ADGRL2: variants seen among roughly 807,000 people sequenced by gnomAD.
ADGRL2 encodes calcium-independent alpha-latrotoxin receptor 2.
ADGRL2 carries 44 observed loss-of-function variants against 157.4 expected under a neutral mutation model. That is an observed-to-expected ratio of 0.28 (90% CI 0.22 to 0.36). The LOEUF (loss-of-function observed/expected upper bound fraction) is 0.36, where lower values mean the gene tolerates loss of function less well. ADGRL2 is among the 10% of genes least tolerant of loss of function. The pLI is 1.00. For missense variants in ADGRL2, 1,510 were observed against 1,768.9 expected, an observed-to-expected ratio of 0.85 and a Z score of 2.63; for synonymous variants, 585 against 624.7, an observed-to-expected ratio of 0.94 and a Z score of 0.95.
chr1:81,883,880 A>G lies in ADGRL2; in HGVS notation c.74-23137A>G, dbSNP rs139631396. 4.0e-3 allele frequency among the ~76,000 whole-genome samples: 613 copies of G among 152,208 alleles called. 4 individuals are homozygous for G. Among genetic ancestry groups the G allele is most frequent in the African/African-American group, 0.013 (553 of 41,530 alleles). ...TTTTGAGATCAGAATTGTAGCCATTATATTGATGTGCTGCAGATATTAAGA... is the reference window on the plus strand; with the variant it reads ...TTTTGAGATCAGAATTGTAGCCATTGTATTGATGTGCTGCAGATATTAAGA... On this transcript the variant is annotated intron_variant, in intron 2 of 23. Coordinates refer to ENST00000686636, the MANE Select transcript of ADGRL2 (RefSeq NM_001366006.2).
chr1:81,934,813 G>T (rs2095286154), intron 3 of ADGRL2, among the ~76,000 whole-genome samples: 1 of 151,932 alleles, frequency 6.6e-6, no homozygotes, highest in South Asian at 2.1e-4. Flanking sequence ...CTAACACACA[G>T]TTGTTTATCT....
chr1:81,618,081 A>G (rs1364651737), intron 3 of ADGRL2, among the ~76,000 whole-genome samples: 1 of 151,880 alleles, frequency 6.6e-6, no homozygotes, highest in Non-Finnish European at 1.5e-5. Flanking sequence ...TTTCCTTCCA[A>G]TTATAAGGAG....
At chr1:81,909,503 A>G (rs1490728485) in intron 3 of ADGRL2, among the ~76,000 whole-genome samples, 1 of 152,204 alleles carries the variant, frequency 6.6e-6, no homozygotes, top group Admixed American at 6.5e-5. Flanking sequence ...TTACCAGATT[A>G]AACACTTTCT....
intron 1 of ADGRL2, among the ~76,000 whole-genome samples, chr1:81,725,878 G>A (rs906138372): frequency 5.3e-5 from 8 of 152,100 alleles, no homozygotes; most frequent in Admixed American, 5.2e-4. Context: ...CGCTAGTTGC[G>A]GGGCTGAGGT....
chr1:81,714,665 G>T (rs2084048764), intron 1 of ADGRL2, among the ~76,000 whole-genome samples: 1 of 152,164 alleles, frequency 6.6e-6, no homozygotes, highest in African/African-American at 2.4e-5. Context: ...TAATGAATGT[G>T]GTACTTACTA....
intron 2 of ADGRL2, among the ~76,000 whole-genome samples, chr1:81,565,664 G>A (rs1405771116): frequency 2.0e-5 from 3 of 152,154 alleles, no homozygotes; most frequent in African/African-American, 7.2e-5. Context: ...TGTTGTGTGT[G>A]TGTCTTTGAC....
At chr1:81,602,540 C>T (rs12725627) in intron 3 of ADGRL2, among the ~76,000 whole-genome samples, 28,988 of 151,792 alleles carry the variant, frequency 0.19, 2,991 homozygotes, top group East Asian at 0.34. Flanking sequence ...TGCAGTGAGC[C>T]GAGATAGAGC....
intron 3 of ADGRL2, among the ~76,000 whole-genome samples, chr1:81,934,599 T>G (rs2095282278): frequency 6.6e-6 from 1 of 152,022 alleles, no homozygotes; most frequent in Non-Finnish European, 1.5e-5. Context: ...CAATTCCCTC[T>G]CTCTCCCACC....
rs528570477 is a variant in ADGRL2, at chr1:81,768,029, A to G, written c.-101+6177A>G. On this transcript the variant is annotated intron_variant, in intron 2 of 20. Coordinates refer to the ADGRL2 transcript ENST00000359929. ...TATCCTAGCTAGCACTTAATATTGT[A>G]AGATACTTAAATGTATTTATTTTTA... Among the ~76,000 whole-genome samples, 34 of 152,238 alleles carry G rather than the reference A, an allele frequency of 2.2e-4. No individual in the cohort carries two copies. In the South Asian group the frequency reaches 6.4e-3, roughly 29 times the overall value.
intron 2 of ADGRL2, among the ~76,000 whole-genome samples, chr1:81,458,609 CG>C (rs2077855885): frequency 6.6e-6 from 1 of 152,172 alleles, no homozygotes; most frequent in Admixed American, 6.5e-5. Flanking sequence ...GCCCAGATCC[CG>C]TGCCTGCCAT....
At chr1:81,818,902 G>C (rs1412724077) in intron 1 of ADGRL2, among the ~76,000 whole-genome samples, 3 of 152,124 alleles carry the variant, frequency 2.0e-5, no homozygotes, top group African/African-American at 7.2e-5. Context: ...CTTTTCTGAG[G>C]AGGAGAAAAG....
intron 2 of ADGRL2, among the ~76,000 whole-genome samples, chr1:81,466,706 C>G (rs1170468926): frequency 6.6e-6 from 1 of 151,948 alleles, no homozygotes; most frequent in Admixed American, 6.6e-5. Context: ...CACACTATGT[C>G]TTTTTGTTTT....
At chr1:81,591,362 A>G (rs1570586619) in intron 3 of ADGRL2, among the ~76,000 whole-genome samples, 1 of 152,268 alleles carries the variant, frequency 6.6e-6, no homozygotes, top group South Asian at 2.1e-4. Flanking sequence ...TTAGGCTGAG[A>G]ATTTAGCCTC....
chr1:81,847,016 G>C (rs1242750858), intron 2 of ADGRL2, among the ~76,000 whole-genome samples: 1 of 149,204 alleles, frequency 6.7e-6, no homozygotes, highest in African/African-American at 2.4e-5. Flanking sequence ...TTTCTTGTTT[G>C]GTTGCTTTTG....
At chr1:81,386,522 C>T (rs191203771) in intron 1 of ADGRL2, among the ~76,000 whole-genome samples, 74 of 152,250 alleles carry the variant, frequency 4.9e-4, no homozygotes, top group African/African-American at 1.7e-3. Context: ...CTGCAACAAT[C>T]TAGAAGCACG....
At chr1:81,911,982 CA>C (rs914864937) in intron 3 of ADGRL2, among the ~76,000 whole-genome samples, 6 of 151,118 alleles carry the variant, frequency 4.0e-5, no homozygotes, top group Non-Finnish European at 5.9e-5. Flanking sequence ...AGCTTTTAAC[CA>C]AAAAAATTTT....
intron 1 of ADGRL2, among the ~76,000 whole-genome samples, chr1:81,391,143 T>C (rs1293478164): frequency 6.6e-6 from 1 of 152,302 alleles, no homozygotes; most frequent in African/African-American, 2.4e-5. Context: ...GATAAATAAA[T>C]GCCCTTATCT....
chr1:81,941,921 A>G lies in ADGRL2; in HGVS notation c.398-113A>G, dbSNP rs185980635. 2.2e-4 allele frequency: 126 copies of G among 570,346 alleles called. No individual in the cohort carries two copies. In the African/African-American group the frequency reaches 2.3e-3, roughly 10 times the overall value. 35.3% of individuals were successfully genotyped at this position (570,346 alleles called of 1,614,324 possible). A position where few individuals can be genotyped will look rare whatever the true frequency, so the allele number is the denominator to read the frequency against. Reference sequence around the variant, plus strand: ...AGTAGTACAGCTCTTAATTCTTCCTATATTTAGCATCTGTTACGAATTCAG... The same window carrying G: ...AGTAGTACAGCTCTTAATTCTTCCTGTATTTAGCATCTGTTACGAATTCAG... On this transcript the variant is annotated intron_variant, in intron 4 of 23. Coordinates refer to ENST00000686636, the MANE Select transcript of ADGRL2 (RefSeq NM_001366006.2).
At chr1:81,518,756 C>A (rs1203530474) in intron 2 of ADGRL2, among the ~76,000 whole-genome samples, 3 of 149,334 alleles carry the variant, frequency 2.0e-5, no homozygotes, top group East Asian at 2.0e-4. Flanking sequence ...TGAGATCGTG[C>A]GACTGCACTC....
Sources: allele counts gnomAD v4.1 joint callset (sites outside exome capture counted in the v4.1 genomes callset), GRCh38; gene constraint gnomAD v4.1.1; transcripts MANE v1.5; gene names NCBI Gene and HGNC (gene_info 2026-07-23, HGNC 2026-07-21).